Variants in LRP1B observed in about 807,000 individuals in gnomAD.
LRP1B encodes the protein low-density lipoprotein receptor-related protein 1B.
LRP1B carries 217 observed loss-of-function variants against 556.6 expected under a neutral mutation model. The ratio of observed to expected loss-of-function variants is 0.39; its 90% CI spans 0.35 to 0.44. LRP1B has a LOEUF of 0.44. Among genes scored for constraint, LRP1B ranks in the 20% least tolerant of loss-of-function variants. The probability of loss-of-function intolerance (pLI) is 1.00; values close to 1 mark genes in which losing one functional copy is unlikely to be tolerated. For missense variants in LRP1B, 5,053 were observed against 5,620.8 expected, an observed-to-expected ratio of 0.90 and a Z score of 3.23; for synonymous variants, 2,047 against 1,865.8, an observed-to-expected ratio of 1.10 and a Z score of -2.50.
chr2:140,769,435 T>C, intron 34 of LRP1B, 91 bp from the exon 35 acceptor site: 1 of 1,288,540 alleles, frequency 7.8e-7, no homozygotes, highest in South Asian at 1.6e-5. Flanking sequence ...TTTTTAACAA[T>C]CTTAATTTAT....
chr2:141,573,966 C>T (rs1022059603), intron 2 of LRP1B, among the ~76,000 whole-genome samples: 4 of 151,586 alleles, frequency 2.6e-5, no homozygotes, highest in Admixed American at 2.6e-4. Flanking sequence ...AGGCTACCAA[C>T]AAAAAAAACC....
chr2:140,487,535 TG>T (rs2105366300), intron 58 of LRP1B, 81 bp downstream of exon 58: 1 of 1,344,670 alleles, frequency 7.4e-7, no homozygotes, highest in Non-Finnish European at 1.0e-6. Flanking sequence ...AGTAATATCA[TG>T]GTCATAAAAT....
chr2:140,861,072 A>G (rs1036299826), intron 27 of LRP1B, among the ~76,000 whole-genome samples: 31 of 152,122 alleles, frequency 2.0e-4, no homozygotes, highest in African/African-American at 7.2e-4. Flanking sequence ...AAACACTTTT[A>G]AAGTGCTTAG....
intron 2 of LRP1B, among the ~76,000 whole-genome samples, chr2:141,720,142 T>C (rs1692761795): frequency 6.6e-6 from 1 of 152,144 alleles, no homozygotes; most frequent in Admixed American, 6.5e-5. Context: ...TGGCATTACC[T>C]CTATTAAAAG....
intron 2 of LRP1B, among the ~76,000 whole-genome samples, chr2:141,545,268 C>T (rs989916524): frequency 2.0e-5 from 3 of 152,192 alleles, no homozygotes; most frequent in African/African-American, 7.2e-5. Flanking sequence ...TGAATCTTCT[C>T]TGTCTCATGA....
At chr2:140,492,522 A>G in intron 57 of LRP1B, 86 bp downstream of exon 57, 1 of 812,962 alleles carries the variant, frequency 1.2e-6, no homozygotes, top group East Asian at 2.5e-5. Context: ...TGCTTCACAA[A>G]CTCTAATTGC....
Position 140,340,767 on chromosome 2 carries a change from A to G in LRP1B, c.11893-4929T>C, listed in dbSNP as rs550358773. Reference sequence around the variant, plus strand: ...GAAAATTAAGCCTACACGGTTTGGTATATCGAAACCAGGCTAACATTCCAG... The same window carrying G: ...GAAAATTAAGCCTACACGGTTTGGTGTATCGAAACCAGGCTAACATTCCAG... On this transcript the variant is annotated intron_variant, in intron 77 of 90. Transcript: ENST00000389484. Among the ~76,000 whole-genome samples the G allele has an allele frequency of 3.3e-5, 5 of 151,444 alleles. No individual in the cohort carries two copies. The East Asian group carries it at 5.8e-4, about 18-fold the overall frequency.
chr2:140,424,041 G>A (rs1312747820), intron 66 of LRP1B, among the ~76,000 whole-genome samples: 1 of 152,040 alleles, frequency 6.6e-6, no homozygotes, highest in Non-Finnish European at 1.5e-5. Flanking sequence ...CTCAAAGAAG[G>A]TTGACTTTGA....
At chr2:141,764,768 C>T (rs922198702) in intron 2 of LRP1B, among the ~76,000 whole-genome samples, 16 of 151,910 alleles carry the variant, frequency 1.1e-4, no homozygotes, top group Admixed American at 7.2e-4. Context: ...TGATAGACAA[C>T]GAAACCTTAT....
At chr2:140,670,158 A>C (rs1574220180) in intron 41 of LRP1B, among the ~76,000 whole-genome samples, 1 of 152,312 alleles carries the variant, frequency 6.6e-6, no homozygotes, top group East Asian at 1.9e-4. Context: ...AGAAACAAGA[A>C]GACACTACGC....
At chr2:141,185,081 C>T (rs762366238) in intron 7 of LRP1B, among the ~76,000 whole-genome samples, 21 of 151,956 alleles carry the variant, frequency 1.4e-4, no homozygotes, top group African/African-American at 3.1e-4. Flanking sequence ...ATCATTGAGG[C>T]GAAATGAAGA....
chr2:141,368,947 G>C (rs988037282), intron 3 of LRP1B, among the ~76,000 whole-genome samples: 1 of 151,956 alleles, frequency 6.6e-6, no homozygotes, highest in Admixed American at 6.6e-5. Flanking sequence ...TAATCTGCTG[G>C]AAATGAAATT....
At chr2:140,824,787 T>G (rs761156954) in intron 31 of LRP1B, among the ~76,000 whole-genome samples, 2 of 152,170 alleles carry the variant, frequency 1.3e-5, no homozygotes, top group South Asian at 4.1e-4. Flanking sequence ...GGAAATATTC[T>G]TTCTAAATAT....
chr2:140,893,784 T>C (rs1032269393), intron 23 of LRP1B, among the ~76,000 whole-genome samples: 13 of 152,140 alleles, frequency 8.5e-5, no homozygotes, highest in Non-Finnish European at 1.6e-4. Flanking sequence ...TAGATGATAG[T>C]GAACGGAATA....
At chr2:141,011,017 A>T in intron 14 of LRP1B, among the ~76,000 whole-genome samples, 1 of 148,200 alleles carries the variant, frequency 6.7e-6, no homozygotes, top group South Asian at 2.1e-4. Flanking sequence ...AAAAAATATA[A>T]ATAAATATAG....
intron 3 of LRP1B, among the ~76,000 whole-genome samples, chr2:141,472,790 T>C (rs1299193884): frequency 8.0e-6 from 1 of 124,568 alleles, no homozygotes; most frequent in East Asian, 2.2e-4. Context: ...TCTAAACTAC[T>C]AGTAGGCAGT....
At chr2:140,606,489 T>C (rs577241738) in intron 41 of LRP1B, among the ~76,000 whole-genome samples, 3 of 151,984 alleles carry the variant, frequency 2.0e-5, no homozygotes, top group African/African-American at 7.2e-5. Flanking sequence ...AGCTGGCTTC[T>C]TCCCAGAAAT....
chr2:141,648,837 T>C (rs978528196), intron 2 of LRP1B, among the ~76,000 whole-genome samples: 1 of 152,256 alleles, frequency 6.6e-6, no homozygotes, highest in Non-Finnish European at 1.5e-5. Context: ...GGATGTGTTC[T>C]GGCTCTTTGA....
At chr2:141,057,156 A>G (rs890768695) in intron 9 of LRP1B, among the ~76,000 whole-genome samples, 1 of 151,716 alleles carries the variant, frequency 6.6e-6, no homozygotes, top group Non-Finnish European at 1.5e-5. Context: ...GAGTAGCCAT[A>G]TTGGTTCTTT....
Sources: allele counts gnomAD v4.1 joint callset (sites outside exome capture counted in the v4.1 genomes callset), GRCh38; gene constraint gnomAD v4.1.1; transcripts MANE v1.5; gene names NCBI Gene and HGNC (gene_info 2026-07-23, HGNC 2026-07-21).